SVIL: variants seen among roughly 807,000 people sequenced by gnomAD.
SVIL encodes the protein supervillin.
Under a neutral mutation model 240.4 loss-of-function variants are expected in SVIL, and 101 were observed. That is an observed-to-expected ratio of 0.42 (90% CI 0.36 to 0.50). The LOEUF (loss-of-function observed/expected upper bound fraction) is 0.50. SVIL is among the 20% of genes least tolerant of loss of function. The pLI is 0.01. For missense variants in SVIL, 2,512 were observed against 2,818.7 expected (o/e 0.89, Z 2.46); for synonymous variants, 999 against 1,100.0 (o/e 0.91, Z 1.82).
chr10:29,510,659 C>T (rs1431501882), intron 17 of SVIL, among the ~76,000 whole-genome samples: 6 of 152,030 alleles, frequency 3.9e-5, no homozygotes, highest in African/African-American at 9.7e-5. Context: ...AGAGCTACTC[C>T]GTGCAGCAAG....
chr10:29,730,315 G>A (rs934974273), intron 1 of SVIL, among the ~76,000 whole-genome samples: 12 of 152,356 alleles, frequency 7.9e-5, no homozygotes, highest in Admixed American at 2.6e-4. Flanking sequence ...GTCAGGGCAT[G>A]TACAATGAAG....
At chr10:29,509,385 CCAAA>C (rs910537317) in intron 17 of SVIL, among the ~76,000 whole-genome samples, 1 of 54,908 alleles carries the variant, frequency 1.8e-5, no homozygotes, top group Admixed American at 1.7e-4. Flanking sequence ...GAGAGAATAC[CCAAA>C]CAGTTTTTCA....
In SVIL at chr10:29,705,849, G is replaced by A. The variant is rs190464333; in HGVS notation, c.-399-19198C>T. ...TTTTTATGCCTGCATAGTATTCCAT[G>A]GTGTATATGTGCCACATTTTCTTTG... On this transcript the variant is annotated intron_variant, in intron 1 of 35. Coordinates refer to the SVIL transcript ENST00000375400. 3.9e-5 allele frequency among the ~76,000 whole-genome samples: 6 copies of A among 152,266 alleles called. No individual in the cohort carries two copies. In the East Asian group the frequency reaches 1.2e-3, roughly 29 times the overall value.
At chr10:29,471,753 C>T (rs779756583) in intron 30 of SVIL, among the ~76,000 whole-genome samples, 1 of 152,220 alleles carries the variant, frequency 6.6e-6, no homozygotes, top group Non-Finnish European at 1.5e-5. Flanking sequence ...GTGTTATCTG[C>T]ACCACGAATA....
chr10:29,735,057 T>G lies in SVIL; in HGVS notation c.-400+694A>C, dbSNP rs1964819236. Among the ~76,000 whole-genome samples, 1 of 152,124 alleles carries G rather than the reference T, an allele frequency of 6.6e-6. No individual in the cohort carries two copies. The highest frequency in any genetic ancestry group is 1.5e-5 in the Non-Finnish European group (1 of 68,008). ...GGACTGGAGCCTCCCCGCCGCTCAC[T>G]CACTGTAATGCAATTACCGCCTTCT... On this transcript the variant is annotated intron_variant, in intron 1 of 35. Coordinates refer to the SVIL transcript ENST00000375400. The surrounding 1 kb of genome is among the most constrained non-coding windows in gnomAD (Gnocchi z 4.1).
intron 1 of SVIL, among the ~76,000 whole-genome samples, chr10:29,729,902 A>G (rs1011747628): frequency 2.0e-5 from 3 of 150,424 alleles, no homozygotes; most frequent in African/African-American, 7.3e-5. Context: ...GAAACGTAAC[A>G]TGATGGCTGG....
chr10:29,471,070 C>G (rs1406288953), intron 31 of SVIL, 68 bp downstream of exon 31: 15 of 1,406,684 alleles, frequency 1.1e-5, no homozygotes, highest in Non-Finnish European at 1.4e-5. Flanking sequence ...TTTCAGCCCC[C>G]AGCTTATAAA....
chr10:29,589,725 C>G (rs186437424), intron 1 of SVIL, among the ~76,000 whole-genome samples: 1 of 152,078 alleles, frequency 6.6e-6, no homozygotes, highest in Non-Finnish European at 1.5e-5. Flanking sequence ...CTGGAGTTGC[C>G]GAGAGACCTT....
intron 1 of SVIL, among the ~76,000 whole-genome samples, chr10:29,583,384 A>G (rs1956031431): frequency 6.6e-6 from 1 of 152,032 alleles, no homozygotes; most frequent in South Asian, 2.1e-4. Context: ...TGCAGCCTCG[A>G]CCTCCTAAGC....
Position 29,697,643 on chromosome 10 carries a change from C to T in SVIL, c.-399-10992G>A. 1.6e-5 allele frequency among the ~76,000 whole-genome samples: 2 copies of T among 124,562 alleles called. 1 individual carries two copies. Among genetic ancestry groups the T allele is most frequent in the East Asian group, 4.4e-4 (2 of 4,530 alleles). 81.7% of individuals were successfully genotyped at this position (124,562 alleles called of 152,430 possible). Reference sequence around the variant, plus strand: ...GCAGGCTCCTTAAGAGTCATCACCACTCCCTAATCTCAAGTACCCAGGGAC... The same window carrying T: ...GCAGGCTCCTTAAGAGTCATCACCATTCCCTAATCTCAAGTACCCAGGGAC... On this transcript the variant is annotated intron_variant, in intron 1 of 35. Transcript: ENST00000375400.
intron 17 of SVIL, among the ~76,000 whole-genome samples, chr10:29,505,303 G>A (rs1463415325): frequency 2.6e-5 from 4 of 151,992 alleles, no homozygotes; most frequent in East Asian, 1.9e-4. Context: ...TCCAGCCTGG[G>A]TAACAGAGTG....
At chr10:29,482,021 C>CTTTTT (rs35856299) in intron 27 of SVIL, among the ~76,000 whole-genome samples, 570 of 113,202 alleles carry the variant, frequency 5.0e-3, no homozygotes, top group Non-Finnish European at 8.7e-3. Context: ...CTTTTCTTTT[C>CTTTTT]TTTTTTTTTT....
Position 29,573,270 on chromosome 10 carries a change from C to G in SVIL, c.-200-3958G>C, listed in dbSNP as rs148730037. Among the ~76,000 whole-genome samples the G allele has an allele frequency of 8.4e-3, 1,281 of 152,142 alleles. 9 individuals are homozygous for G. Among genetic ancestry groups the G allele is most frequent in the Non-Finnish European group, 0.011 (766 of 68,006 alleles). On this transcript the variant is annotated intron_variant, in intron 1 of 37. Transcript: ENST00000355867. ...ATTTTTTTTAATTGTTGGGTATTAT[C>G]TTTAAGTTGGTAACGGAGTCTTACC...
chr10:29,626,169 A>G lies in SVIL; in HGVS notation c.-201+8251T>C, dbSNP rs138301575. Reference sequence around the variant, plus strand: ...TGTATTATATATTTAAAATTTGCCAAGAAGTAGATCTTAAGTTTTCTCAAG... The same window carrying G: ...TGTATTATATATTTAAAATTTGCCAGGAAGTAGATCTTAAGTTTTCTCAAG... On this transcript the variant is annotated intron_variant, in intron 1 of 37. Coordinates refer to ENST00000355867, the MANE Select transcript of SVIL (RefSeq NM_021738.3). Among the ~76,000 whole-genome samples, 10 of 152,312 alleles carry G rather than the reference A, an allele frequency of 6.6e-5. 1 individual carries two copies. The highest frequency in any genetic ancestry group is 2.4e-4 in the African/African-American group (10 of 41,554).
At chr10:29,608,247 A>G (rs1263489421) in intron 1 of SVIL, among the ~76,000 whole-genome samples, 1 of 152,192 alleles carries the variant, frequency 6.6e-6, no homozygotes, top group Non-Finnish European at 1.5e-5. Context: ...TGGGGTTGGC[A>G]ATTACCTCTG....
intron 1 of SVIL, among the ~76,000 whole-genome samples, chr10:29,586,486 C>A (rs754452866): frequency 3.9e-5 from 6 of 152,114 alleles, no homozygotes; most frequent in Admixed American, 1.3e-4. Flanking sequence ...TTCCACTTAG[C>A]TCACTTGTGG....
intron 7 of SVIL, among the ~76,000 whole-genome samples, chr10:29,535,183 C>T (rs190535011): frequency 7.9e-5 from 12 of 152,152 alleles, no homozygotes; most frequent in Non-Finnish European, 1.6e-4. Context: ...TCCACACAGA[C>T]GCACATAGAG....
At chr10:29,688,400 A>AGATGCC (rs1387255859) in intron 1 of SVIL, among the ~76,000 whole-genome samples, 7 of 152,202 alleles carry the variant, frequency 4.6e-5, no homozygotes, top group African/African-American at 1.4e-4. Flanking sequence ...AAGCATCTGA[A>AGATGCC]GATGCCGTTC....
chr10:29,509,334 A>AGG lies in SVIL; in HGVS notation c.3516+3400_3516+3401insCC, dbSNP rs1564540954. 9.0e-3 allele frequency among the ~76,000 whole-genome samples: 310 copies of AGG among 34,388 alleles called. 3 individuals carry two copies. Among genetic ancestry groups the AGG allele is most frequent in the African/African-American group, 0.034 (283 of 8,252 alleles). 22.6% of individuals were successfully genotyped at this position (34,388 alleles called of 152,430 possible). A position where few individuals can be genotyped will look rare whatever the true frequency, so the allele number is the denominator to read the frequency against. On this transcript the variant is annotated intron_variant, in intron 17 of 37. Coordinates refer to ENST00000355867, the MANE Select transcript of SVIL (RefSeq NM_021738.3). ...GAAAGGGAGAAGGAGGGGGAGGGAGAGAGAGAGAGAGAGAGAGAGAGAGAG... is the reference window on the plus strand; with the variant it reads ...GAAAGGGAGAAGGAGGGGGAGGGAGAGGGAGAGAGAGAGAGAGAGAGAGAGAG...
Sources: allele counts gnomAD v4.1 joint callset (sites outside exome capture counted in the v4.1 genomes callset), GRCh38; gene constraint gnomAD v4.1.1; non-coding constraint Gnocchi (gnomAD v3.1); transcripts MANE v1.5; gene names NCBI Gene and HGNC (gene_info 2026-07-23, HGNC 2026-07-21).